SIRT4: variants seen among roughly 807,000 people sequenced by gnomAD.
SIRT4 encodes NAD-dependent protein lipoamidase sirtuin-4, mitochondrial.
A neutral mutation model predicts 26.1 loss-of-function variants in SIRT4; 23 were observed. That is an observed-to-expected ratio of 0.88 (90% CI 0.63 to 1.25). The LOEUF (loss-of-function observed/expected upper bound fraction) is 1.25, where lower values mean the gene tolerates loss of function less well. SIRT4 is among the 50% of genes most tolerant of loss of function. The probability of loss-of-function intolerance (pLI) is 0.00; values close to 1 mark genes in which losing one functional copy is unlikely to be tolerated. For synonymous variants in SIRT4, 155 were observed against 158.4 expected (o/e 0.98, Z 0.16); for missense variants, 361 against 405.4 (o/e 0.89, Z 0.94).
At chr12:120,292,999 T>C in the SIRT4 span, 43 of 152,174 alleles carry the variant, frequency 2.8e-4, no homozygotes, top group African/African-American at 8.7e-4. Context: ...CATCTCTCAT[T>C]TAGAGAGTTT....
At chr12:120,310,139 AT>A (rs1044517026) in intron 2 of SIRT4, among the ~76,000 whole-genome samples, 2 of 151,832 alleles carry the variant, frequency 1.3e-5, no homozygotes, top group East Asian at 1.9e-4. Context: ...TAATTAAAAA[AT>A]TTTTTTTGGC....
In SIRT4 at chr12:120,305,336, A is replaced by C. The variant is rs572886974; in HGVS notation, c.497+1278A>C. Among the ~76,000 whole-genome samples the C allele has an allele frequency of 3.3e-5, 5 of 151,938 alleles. No individual in the cohort carries two copies. In the South Asian group the frequency reaches 1.0e-3, roughly 32 times the overall value. On this transcript the variant is annotated intron_variant, in intron 2 of 3. Transcript: ENST00000202967. ...TGTGATTATAGCTCACTTCAGCCTC[A>C]ATCTCTTGGGCTCAAGTGATCCTTT...
rs141602687 is a variant in SIRT4, at chr12:120,307,522, C to G, written c.497+3464C>G. 7.9e-3 allele frequency among the ~76,000 whole-genome samples: 1,205 copies of G among 151,790 alleles called. 13 individuals carry two copies. The highest frequency in any genetic ancestry group is 0.028 in the African/African-American group (1,145 of 41,402). The stretch of plus-strand genomic sequence containing the variant: ...CAAAAACCAAAGTATAAAACATGGC[C>G]CACTTTATATGCAAGAACTTTGTAA... On this transcript the variant is annotated intron_variant, in intron 2 of 3. Transcript: ENST00000202967.
At chr12:120,294,384 C>T in the SIRT4 span, among the ~76,000 whole-genome samples, 2 of 151,894 alleles carry the variant, frequency 1.3e-5, no homozygotes, top group African/African-American at 4.8e-5. Flanking sequence ...CTCCGCCTCC[C>T]AGGTTCAAGC....
chr12:120,302,379 G>A lies in SIRT4; in HGVS notation c.-2+1G>A, dbSNP rs1298241013. The stretch of plus-strand genomic sequence containing the variant: ...TGAAGTGTCCGTAGAGCTGTGAGAG[G>A]TAAGTGTGTTCTGTGTGTGCTGCGG... On this transcript the variant is annotated splice_donor_variant, in intron 1 of 3. Transcript: ENST00000202967. LOFTEE classifies it low-confidence loss of function (5UTR_SPLICE). 2 of 152,382 alleles carry A rather than the reference G, an allele frequency of 1.3e-5. No individual in the cohort carries two copies. The highest frequency in any genetic ancestry group is 2.1e-4 in the South Asian group (1 of 4,822). The allele number at this position is 152,382 out of a possible 1,614,324, so 9.4% of individuals were successfully genotyped here.
intron 1 of SIRT4, 24 bp from the exon 2 acceptor site, chr12:120,303,537 C>T (rs1360528292): frequency 6.4e-7 from 1 of 1,554,468 alleles, no homozygotes; most frequent in African/African-American, 1.4e-5. Context: ...CCCAGTTTCT[C>T]ACATGAGGCT....
At chr12:120,311,864 G>A (rs145477536) in intron 2 of SIRT4, among the ~76,000 whole-genome samples, 1 of 151,948 alleles carries the variant, frequency 6.6e-6, no homozygotes, top group Non-Finnish European at 1.5e-5. Context: ...CAGCAGATGA[G>A]CAAGGGAAAG....
upstream of SIRT4, among the ~76,000 whole-genome samples, chr12:120,298,342 C>T (rs924090952): frequency 1.9e-4 from 29 of 152,086 alleles, no homozygotes; most frequent in African/African-American, 6.3e-4. Context: ...GGCGCAGTAG[C>T]TCACGCCCGT....
At chr12:120,295,797 C>T in the SIRT4 span, among the ~76,000 whole-genome samples, 434 of 151,762 alleles carry the variant, frequency 2.9e-3, 1 homozygote, top group Non-Finnish European at 4.7e-3. Flanking sequence ...GTGGCTCGAG[C>T]GTGTAATCCC....
chr12:120,291,919 G>A, the SIRT4 span: 3 of 151,984 alleles, frequency 2.0e-5, no homozygotes, highest in African/African-American at 7.3e-5. Context: ...GGTTCTGTTC[G>A]CGCCCCGCTC....
upstream of SIRT4, among the ~76,000 whole-genome samples, chr12:120,298,802 G>A (rs1247097419): frequency 6.6e-6 from 1 of 151,286 alleles, no homozygotes; most frequent in East Asian, 2.0e-4. Context: ...AGCTACTCGG[G>A]AGGCTGAGGC....
chr12:120,293,879 A>G, the SIRT4 span, among the ~76,000 whole-genome samples: 1 of 152,092 alleles, frequency 6.6e-6, no homozygotes. Flanking sequence ...GAATCATACA[A>G]TATTTGTCCT....
chr12:120,293,003 A>T, the SIRT4 span: 3 of 152,136 alleles, frequency 2.0e-5, no homozygotes, highest in Non-Finnish European at 4.4e-5. Context: ...TCTCATTTAG[A>T]GAGTTTGCGA....
intron 1 of SIRT4, 35 bp from the exon 2 acceptor site, chr12:120,303,525 AC>A: frequency 6.5e-7 from 1 of 1,537,774 alleles, no homozygotes; most frequent in Non-Finnish European, 8.7e-7. Context: ...AAAAAAAACC[AC>A]CCCAGTTTCT....
rs1354857105 is a variant in SIRT4, at chr12:120,312,631, G to A, written c.673G>A (p.Gly225Ser). The A allele has an allele frequency of 6.2e-7, 1 of 1,614,112 alleles. No homozygotes were observed. The change falls in exon 3 of 4, where the codon GGC (glycine) becomes AGC (serine). Residue 225 changes from glycine to serine, a missense_variant. Transcript: ENST00000202967. Reference sequence around the variant, plus strand: ...GGTCCCAACCTGCGTTCAATGTGGAGGCCATCTGAAACCAGATGTCGTTTT... The same window carrying A: ...GGTCCCAACCTGCGTTCAATGTGGAAGCCATCTGAAACCAGATGTCGTTTT... ...FQVPTCVQCG[G>S]HLKPDVVFFG...
intron 2 of SIRT4, among the ~76,000 whole-genome samples, chr12:120,305,922 G>A (rs1872728764): frequency 6.6e-6 from 1 of 151,566 alleles, no homozygotes; most frequent in Admixed American, 6.6e-5. Flanking sequence ...TGAGGCAGGA[G>A]AATGGCGTGA....
chr12:120,295,847 C>T, the SIRT4 span, among the ~76,000 whole-genome samples: 1 of 151,604 alleles, frequency 6.6e-6, no homozygotes, highest in African/African-American at 2.4e-5. Context: ...CACCTGAGGT[C>T]AGGAGTTCAA....
rs1872744202 is a variant in SIRT4, at chr12:120,306,331, T to G, written c.497+2273T>G. 2.7e-5 allele frequency among the ~76,000 whole-genome samples: 4 copies of G among 150,568 alleles called. No homozygotes were observed. The South Asian group carries it at 8.5e-4, about 32-fold the overall frequency. ...TCTCTACTAAAAATACAAAATTAGC[T>G]GGGCGTGGTGGTGCATGCCTGTAAT... is the stretch of plus-strand genomic sequence containing the variant. On this transcript the variant is annotated intron_variant, in intron 2 of 3. Coordinates refer to ENST00000202967, the MANE Select transcript of SIRT4 (RefSeq NM_012240.3).
At chr12:120,292,166 CT>C in the SIRT4 span, among the ~76,000 whole-genome samples, 2 of 152,186 alleles carry the variant, frequency 1.3e-5, no homozygotes, top group Non-Finnish European at 2.9e-5. Flanking sequence ...TCGGTTGAGA[CT>C]TGAATTTTGA....
Sources: allele counts gnomAD v4.1 joint callset (sites outside exome capture counted in the v4.1 genomes callset), GRCh38; gene constraint gnomAD v4.1.1; transcripts MANE v1.5; gene names NCBI Gene and HGNC (gene_info 2026-07-23, HGNC 2026-07-21).